The following IGFBP7 variants were observed in gnomAD, a reference collection of about 807,000 sequenced individuals.
IGFBP7 encodes insulin-like growth factor-binding protein 7.
A neutral mutation model predicts 29.4 loss-of-function variants in IGFBP7; 31 were observed. That is an observed-to-expected ratio of 1.05 (90% CI 0.79 to 1.42). IGFBP7 has a LOEUF of 1.42. Among genes scored for constraint, IGFBP7 ranks in the 40% most tolerant of loss-of-function variants. The pLI is 0.00. For synonymous variants in IGFBP7, 172 were observed against 174.9 expected (o/e 0.98, Z 0.13); for missense variants, 393 against 395.5 (o/e 0.99, Z 0.05).
intron 1 of IGFBP7, among the ~76,000 whole-genome samples, chr4:57,064,579 G>T (rs928903014): frequency 3.3e-5 from 5 of 152,154 alleles, no homozygotes; most frequent in African/African-American, 1.2e-4. Context: ...TCTTGCTAAG[G>T]TGCAGATCCT....
chr4:57,097,279 T>A (rs1355102140), intron 1 of IGFBP7, among the ~76,000 whole-genome samples: 3 of 152,262 alleles, frequency 2.0e-5, no homozygotes, highest in Admixed American at 2.0e-4. Context: ...AAGCAAAGCA[T>A]GTCCTCTGGC....
intron 1 of IGFBP7, among the ~76,000 whole-genome samples, chr4:57,074,842 GT>G (rs1473015569): frequency 6.6e-6 from 1 of 152,234 alleles, no homozygotes; most frequent in East Asian, 1.9e-4. Flanking sequence ...CATAATCTGT[GT>G]TAAAACAATA....
intron 2 of IGFBP7, among the ~76,000 whole-genome samples, chr4:57,036,965 C>A (rs1380727990): frequency 2.0e-5 from 3 of 152,148 alleles, no homozygotes; most frequent in African/African-American, 7.2e-5. Context: ...AAAACAAATA[C>A]CCTGTTTAAT....
chr4:57,094,909 C>T (rs1358298872), intron 1 of IGFBP7, among the ~76,000 whole-genome samples: 4 of 152,226 alleles, frequency 2.6e-5, no homozygotes, highest in Non-Finnish European at 5.9e-5. Context: ...ATTTGAGTCA[C>T]GGGGTCCCCA....
At chr4:57,043,165 C>T (rs983741829) in intron 1 of IGFBP7, among the ~76,000 whole-genome samples, 1 of 152,162 alleles carries the variant, frequency 6.6e-6, no homozygotes, top group African/African-American at 2.4e-5. Flanking sequence ...GTTCAATCAC[C>T]AGGGGCCTTC....
At chr4:57,088,175 T>C (rs1375269804) in intron 1 of IGFBP7, among the ~76,000 whole-genome samples, 4 of 151,970 alleles carry the variant, frequency 2.6e-5, no homozygotes, top group Admixed American at 2.6e-4. Context: ...AGGGTCTCAC[T>C]ATGTTGCCCA....
intron 1 of IGFBP7, among the ~76,000 whole-genome samples, chr4:57,103,948 T>G (rs1043518960): frequency 1.3e-5 from 2 of 152,186 alleles, no homozygotes; most frequent in Non-Finnish European, 2.9e-5. Context: ...CTTGAGCTTA[T>G]GTCTCCTCTC....
At chr4:57,056,947 T>C (rs1442983299) in intron 1 of IGFBP7, among the ~76,000 whole-genome samples, 1 of 152,260 alleles carries the variant, frequency 6.6e-6, no homozygotes, top group Non-Finnish European at 1.5e-5. Flanking sequence ...ACTTGAATTA[T>C]TAGTTCCCTA....
chr4:57,042,434 C>T (rs1724252109), intron 1 of IGFBP7, among the ~76,000 whole-genome samples: 1 of 152,182 alleles, frequency 6.6e-6, no homozygotes, highest in South Asian at 2.1e-4. Context: ...ACGGCAACCT[C>T]CGCCTCCCGG....
chr4:57,068,117 A>C (rs1225380868), intron 1 of IGFBP7, among the ~76,000 whole-genome samples: 3 of 152,010 alleles, frequency 2.0e-5, no homozygotes, highest in African/African-American at 7.3e-5. Context: ...TCTTGAGTCC[A>C]GGAGTTCAAG....
chr4:57,098,769 C>T (rs954420255), intron 1 of IGFBP7, among the ~76,000 whole-genome samples: 8 of 152,334 alleles, frequency 5.3e-5, no homozygotes, highest in East Asian at 1.9e-4. Context: ...CTCCATCAAA[C>T]GCTCTATGGC....
intron 1 of IGFBP7, among the ~76,000 whole-genome samples, chr4:57,093,236 C>T (rs2109797069): frequency 6.6e-6 from 1 of 152,334 alleles, no homozygotes; most frequent in Admixed American, 6.5e-5. Context: ...CGCAGTGGCT[C>T]ACGCCTATAA....
intron 1 of IGFBP7, among the ~76,000 whole-genome samples, chr4:57,048,175 C>T (rs1231389920): frequency 2.0e-5 from 3 of 152,088 alleles, no homozygotes; most frequent in African/African-American, 7.2e-5. Context: ...CCTCAGCCTC[C>T]CAAGTAGCTG....
chr4:57,051,968 T>C (rs546498994), intron 1 of IGFBP7, among the ~76,000 whole-genome samples: 2 of 152,224 alleles, frequency 1.3e-5, no homozygotes, highest in African/African-American at 2.4e-5. Flanking sequence ...ATAGTGAGCA[T>C]GCGGGCCAGC....
At chr4:57,048,701 T>C (rs1056559099) in intron 1 of IGFBP7, among the ~76,000 whole-genome samples, 4 of 152,146 alleles carry the variant, frequency 2.6e-5, no homozygotes, top group Non-Finnish European at 5.9e-5. Flanking sequence ...AGGAACAATA[T>C]TGAAGAAGTA....
At chr4:57,039,778 C>A (rs1724174730) in intron 2 of IGFBP7, among the ~76,000 whole-genome samples, 1 of 150,174 alleles carries the variant, frequency 6.7e-6, no homozygotes, top group Non-Finnish European at 1.5e-5. Context: ...GCATGCCTCA[C>A]CATGCCCAGC....
At chr4:57,075,613 TAA>T (rs1725203092) in intron 1 of IGFBP7, among the ~76,000 whole-genome samples, 1 of 150,088 alleles carries the variant, frequency 6.7e-6, no homozygotes, top group Non-Finnish European at 1.5e-5. Context: ...CATAAAACCA[TAA>T]AAAGCACACT....
intron 1 of IGFBP7, among the ~76,000 whole-genome samples, chr4:57,050,127 C>T (rs966346693): frequency 1.1e-4 from 16 of 152,014 alleles, no homozygotes; most frequent in Admixed American, 2.0e-4. Context: ...CAAATCCCAC[C>T]GAGATGGGTA....
intron 1 of IGFBP7, among the ~76,000 whole-genome samples, chr4:57,069,700 A>T (rs1386914598): frequency 6.6e-6 from 1 of 152,040 alleles, no homozygotes; most frequent in Non-Finnish European, 1.5e-5. Flanking sequence ...GCAAATAAGC[A>T]GAGAGAAGGT....
Sources: allele counts gnomAD v4.1 joint callset (sites outside exome capture counted in the v4.1 genomes callset), GRCh38; gene constraint gnomAD v4.1.1; transcripts MANE v1.5; gene names NCBI Gene and HGNC (gene_info 2026-07-23, HGNC 2026-07-21).